FGF14: variants seen among roughly 807,000 people sequenced by gnomAD.
FGF14 encodes the protein fibroblast growth factor 14.
A neutral mutation model predicts 25.5 loss-of-function variants in FGF14; 5 were observed. The observed-to-expected ratio is 0.20, with a 90% CI of 0.10 to 0.41. The LOEUF (loss-of-function observed/expected upper bound fraction) is 0.41, where lower values mean the gene tolerates loss of function less well. Among genes scored for constraint, FGF14 ranks in the 10% least tolerant of loss-of-function variants. FGF14 has a pLI of 1.00. For missense variants in FGF14, 222 were observed against 320.1 expected (o/e 0.69, Z 2.34); for synonymous variants, 138 against 118.3 (o/e 1.17, Z -1.08).
At chr13:101,745,650 T>C (rs1262320619) in intron 3 of FGF14, among the ~76,000 whole-genome samples, 2 of 152,098 alleles carry the variant, frequency 1.3e-5, no homozygotes, top group African/African-American at 2.4e-5. Context: ...CTTAGCAATA[T>C]GCATTTAAGC....
At chr13:101,898,945 G>T (rs1272930466) in intron 1 of FGF14, among the ~76,000 whole-genome samples, 2 of 152,162 alleles carry the variant, frequency 1.3e-5, no homozygotes, top group African/African-American at 4.8e-5. Flanking sequence ...AAAAGTGGAG[G>T]AAGGCAAAAA....
intron 1 of FGF14, among the ~76,000 whole-genome samples, chr13:102,078,611 G>A (rs149825317): frequency 2.1e-3 from 316 of 152,240 alleles, no homozygotes; most frequent in African/African-American, 7.1e-3. Flanking sequence ...TCATCCAACT[G>A]CACTATGGAA....
intron 1 of FGF14, among the ~76,000 whole-genome samples, chr13:101,898,963 A>G (rs976226781): frequency 6.6e-6 from 1 of 152,224 alleles, no homozygotes; most frequent in Non-Finnish European, 1.5e-5. Flanking sequence ...AAAGCTGAGA[A>G]TCAGAGCAAA....
chr13:101,725,510 C>T (rs1210529550), intron 4 of FGF14, among the ~76,000 whole-genome samples: 1 of 151,858 alleles, frequency 6.6e-6, no homozygotes, highest in Non-Finnish European at 1.5e-5. Context: ...GTAGTATTAG[C>T]CAACAAGAGC....
At chr13:102,075,677 T>G (rs2043331045) in intron 1 of FGF14, among the ~76,000 whole-genome samples, 3 of 152,324 alleles carry the variant, frequency 2.0e-5, no homozygotes, top group Middle Eastern at 6.8e-3. Context: ...ACAAGTTAAC[T>G]GTAAAACAGC....
chr13:101,996,486 G>A (rs1220714713), intron 1 of FGF14, among the ~76,000 whole-genome samples: 1 of 152,206 alleles, frequency 6.6e-6, no homozygotes, highest in Non-Finnish European at 1.5e-5. Context: ...AAGTGGTCAT[G>A]AAAACAACTA....
chr13:101,727,862 C>T (rs1004964758), intron 3 of FGF14, among the ~76,000 whole-genome samples: 2 of 151,966 alleles, frequency 1.3e-5, no homozygotes, highest in South Asian at 2.1e-4. Context: ...AAAATAGATC[C>T]TTACTGTCCT....
intron 1 of FGF14, among the ~76,000 whole-genome samples, chr13:101,965,319 C>T (rs2037124629): frequency 1.3e-5 from 2 of 151,784 alleles, no homozygotes; most frequent in Admixed American, 1.3e-4. Context: ...CATGCCTTCA[C>T]AGGTGGTAAG....
chr13:102,174,732 T>C (rs902650945), intron 1 of FGF14, among the ~76,000 whole-genome samples: 4 of 151,856 alleles, frequency 2.6e-5, no homozygotes, highest in Admixed American at 1.3e-4. Context: ...TGAGCACACA[T>C]GGACATAAAT....
intron 1 of FGF14, among the ~76,000 whole-genome samples, chr13:102,326,829 G>A (rs2056469644): frequency 1.3e-5 from 2 of 152,086 alleles, no homozygotes; most frequent in Admixed American, 1.3e-4. Context: ...CAATGTTTCA[G>A]ATATGGGAAA....
At chr13:101,821,512 C>T (rs1421121854) in intron 3 of FGF14, among the ~76,000 whole-genome samples, 1 of 152,168 alleles carries the variant, frequency 6.6e-6, no homozygotes, top group African/African-American at 2.4e-5. Flanking sequence ...ATTATTTGTA[C>T]ATGAACTTTT....
chr13:102,185,419 C>T (rs1490248688), intron 1 of FGF14, among the ~76,000 whole-genome samples: 1 of 152,118 alleles, frequency 6.6e-6, no homozygotes, highest in Non-Finnish European at 1.5e-5. Context: ...TTCTTGAAGA[C>T]GGAGCCTTAT....
chr13:101,901,565 G>A (rs1184740880), intron 1 of FGF14, among the ~76,000 whole-genome samples: 1 of 152,070 alleles, frequency 6.6e-6, no homozygotes, highest in Non-Finnish European at 1.5e-5. Flanking sequence ...TCAGCTAGAG[G>A]TTATGGTGTG....
intron 1 of FGF14, among the ~76,000 whole-genome samples, chr13:102,256,525 T>C (rs552342249): frequency 6.0e-4 from 91 of 152,142 alleles, no homozygotes; most frequent in Non-Finnish European, 1.1e-3. Context: ...AAGTAGCTAA[T>C]GTACAAGTTA....
At chr13:102,246,378 A>C (rs545688480) in intron 1 of FGF14, among the ~76,000 whole-genome samples, 1 of 152,214 alleles carries the variant, frequency 6.6e-6, no homozygotes, top group Non-Finnish European at 1.5e-5. Context: ...CACAGATGTA[A>C]CTATCTAGGC....
intron 1 of FGF14, among the ~76,000 whole-genome samples, chr13:102,121,392 C>T (rs1433521896): frequency 6.6e-6 from 1 of 151,092 alleles, no homozygotes; most frequent in Non-Finnish European, 1.5e-5. Context: ...GAGATGTGTA[C>T]CTTAGAAAAT....
intron 1 of FGF14, among the ~76,000 whole-genome samples, chr13:101,930,697 AC>A (rs1327408660): frequency 2.6e-5 from 4 of 152,158 alleles, no homozygotes; most frequent in Non-Finnish European, 5.9e-5. Flanking sequence ...AAACATGCTC[AC>A]TCACACACAC....
At chr13:102,107,178 A>T (rs1048185895) in intron 1 of FGF14, among the ~76,000 whole-genome samples, 21 of 152,068 alleles carry the variant, frequency 1.4e-4, no homozygotes, top group Non-Finnish European at 1.6e-4. Context: ...CTATTTTTTT[A>T]AAAAAACGAA....
chr13:101,838,828 C>T (rs1433126682), intron 3 of FGF14, among the ~76,000 whole-genome samples: 1 of 151,968 alleles, frequency 6.6e-6, no homozygotes, highest in Non-Finnish European at 1.5e-5. Flanking sequence ...ACAATTTGTG[C>T]CAAGCAAAAA....
Sources: gnomAD v4.1 joint callset for allele counts (sites outside exome capture counted in the v4.1 genomes callset) on GRCh38, gnomAD v4.1.1 for gene constraint, MANE v1.5 for transcripts, NCBI Gene and HGNC (gene_info 2026-07-23, HGNC 2026-07-21) for gene names.